TMEM272: variants seen among roughly 807,000 people sequenced by gnomAD.
TMEM272 encodes the protein transmembrane protein 272, also known as long intergenic non-protein coding RNA 282.
TMEM272 carries 8 observed loss-of-function variants against 3.7 expected under a neutral mutation model. The ratio of observed to expected loss-of-function variants is 2.17; its 90% confidence interval spans 1.27 to 3.91. TMEM272 has a LOEUF of 3.91. Ranked by LOEUF, TMEM272 falls within the 30% of genes most tolerant of loss-of-function variation. The pLI is 0.00. For synonymous variants in TMEM272, 63 were observed against 39.8 expected, an observed-to-expected ratio of 1.58 and a Z score of -2.20; for missense variants, 166 against 91.5, an observed-to-expected ratio of 1.81 and a Z score of -3.32.
intron 2 of TMEM272, among the ~76,000 whole-genome samples, chr13:51,830,396 C>A (rs928168603): frequency 6.6e-6 from 1 of 152,254 alleles, no homozygotes; most frequent in Non-Finnish European, 1.5e-5. Context: ...ACCAAGCCAC[C>A]TGAGTCACAG....
the TMEM272 span, among the ~76,000 whole-genome samples, chr13:51,917,791 T>C: frequency 6.6e-6 from 1 of 152,152 alleles, no homozygotes; most frequent in Non-Finnish European, 1.5e-5. Flanking sequence ...ACCCGATAAA[T>C]CACAATATCA....
chr13:51,819,312 T>C (rs1173540467), intron 4 of TMEM272, among the ~76,000 whole-genome samples: 1 of 152,228 alleles, frequency 6.6e-6, no homozygotes, highest in Non-Finnish European at 1.5e-5. Context: ...AAGCCCAGGC[T>C]GAACACCAGC....
At chr13:51,835,519 C>T (rs922140276) in intron 2 of TMEM272, among the ~76,000 whole-genome samples, 6 of 152,056 alleles carry the variant, frequency 3.9e-5, no homozygotes, top group Non-Finnish European at 7.4e-5. Context: ...CCACTGCACC[C>T]GGCCAAAACT....
At position 51,816,631 on chromosome 13, in the gene TMEM272, ACCTTTATGC is replaced by A; in HGVS notation, c.*111_*119del. ...AAATGCCTTCAGGGAAGGTTTTATT[ACCTTTATGC>A]CCTTCTCTGAACCTGTGTGTGTGTG... On this transcript the variant is annotated 3_prime_UTR_variant, in exon 5 of 5. Transcript: ENST00000629372. The A allele has an allele frequency of 1.7e-6, 1 of 592,970 alleles. No homozygotes were observed. Among genetic ancestry groups the A allele is most frequent in the Admixed American group, 2.9e-5 (1 of 34,224 alleles). 36.7% of individuals were successfully genotyped at this position (592,970 alleles called of 1,614,324 possible).
chr13:51,878,196 C>T, the TMEM272 span, among the ~76,000 whole-genome samples: 2 of 152,008 alleles, frequency 1.3e-5, no homozygotes, highest in African/African-American at 2.4e-5. Flanking sequence ...TTTGGGAGGC[C>T]GAGGCGGGAG....
the TMEM272 span, among the ~76,000 whole-genome samples, chr13:51,861,798 C>T: frequency 4.6e-5 from 7 of 152,168 alleles, no homozygotes; most frequent in Non-Finnish European, 8.8e-5. Context: ...GACCAAGACA[C>T]ATCATAGTCA....
the TMEM272 span, among the ~76,000 whole-genome samples, chr13:51,876,381 G>C: frequency 6.6e-6 from 1 of 152,194 alleles, no homozygotes; most frequent in African/African-American, 2.4e-5. Context: ...CATTTCATTA[G>C]CACATATTTC....
At chr13:51,858,984 G>T in the TMEM272 span, among the ~76,000 whole-genome samples, 9 of 152,050 alleles carry the variant, frequency 5.9e-5, no homozygotes, top group African/African-American at 2.2e-4. Flanking sequence ...AAAGAAGAAC[G>T]GTTAAAAACC....
chr13:51,871,665 C>T, the TMEM272 span, among the ~76,000 whole-genome samples: 3 of 152,032 alleles, frequency 2.0e-5, no homozygotes, highest in South Asian at 4.1e-4. Flanking sequence ...CTAGAACCAC[C>T]CAGCTAACCT....
At chr13:51,930,824 T>C in the TMEM272 span, among the ~76,000 whole-genome samples, 3 of 151,980 alleles carry the variant, frequency 2.0e-5, no homozygotes, top group Non-Finnish European at 4.4e-5. Flanking sequence ...TTTTGGTCTA[T>C]GCTGGATTTA....
At chr13:51,861,732 G>T in the TMEM272 span, among the ~76,000 whole-genome samples, 1 of 152,060 alleles carries the variant, frequency 6.6e-6, no homozygotes. Context: ...ATGAAAAACG[G>T]CATCAAATCT....
the TMEM272 span, among the ~76,000 whole-genome samples, chr13:51,863,900 G>A: frequency 3.1e-4 from 47 of 152,310 alleles, no homozygotes; most frequent in African/African-American, 1.1e-3. Flanking sequence ...GTCAGCATGT[G>A]CCTGCACTCC....
chr13:51,925,941 A>T, the TMEM272 span, among the ~76,000 whole-genome samples: 79 of 152,130 alleles, frequency 5.2e-4, 1 homozygote, highest in African/African-American at 1.7e-3. Context: ...TGTGGTGCAT[A>T]TATGTATGTA....
At chr13:51,836,458 G>C (rs1011584296) in intron 2 of TMEM272, among the ~76,000 whole-genome samples, 6 of 152,176 alleles carry the variant, frequency 3.9e-5, no homozygotes, top group African/African-American at 1.4e-4. Flanking sequence ...CATTTTTGAA[G>C]AATACAGTCC....
intron 3 of TMEM272, among the ~76,000 whole-genome samples, chr13:51,822,942 C>T (rs1244557269): frequency 6.6e-6 from 1 of 152,248 alleles, no homozygotes; most frequent in African/African-American, 2.4e-5. Context: ...CTGGCTCAAA[C>T]AACCAAGCTC....
chr13:51,933,149 G>C, the TMEM272 span: 1 of 152,210 alleles, frequency 6.6e-6, no homozygotes. Context: ...TGGTAGATTT[G>C]TTCTTCCAGG....
chr13:51,826,956 C>T (rs763552554), intron 2 of TMEM272, among the ~76,000 whole-genome samples: 2 of 152,190 alleles, frequency 1.3e-5, no homozygotes, highest in Non-Finnish European at 2.9e-5. Flanking sequence ...CAGAAGCTGC[C>T]GGCATCCACT....
chr13:51,826,510 G>C, intron 3 of TMEM272, 56 bp downstream of exon 3: 1 of 701,798 alleles, frequency 1.4e-6, no homozygotes. Flanking sequence ...CATGCCTTGG[G>C]TCCATGCCCC....
the TMEM272 span, among the ~76,000 whole-genome samples, chr13:51,926,779 G>A: frequency 1.3e-5 from 2 of 152,280 alleles, no homozygotes; most frequent in African/African-American, 2.4e-5. Context: ...ATAATTGACA[G>A]TGATAGCATA....
Sources: allele counts gnomAD v4.1 joint callset (sites outside exome capture counted in the v4.1 genomes callset), GRCh38; gene constraint gnomAD v4.1.1; transcripts MANE v1.5; gene names NCBI Gene and HGNC (gene_info 2026-07-23, HGNC 2026-07-21).